Variants in TFEC observed in about 807,000 individuals in gnomAD.
TFEC encodes transcription factor EC.
TFEC carries 31 observed loss-of-function variants against 41.6 expected under a neutral mutation model. That is an observed-to-expected ratio of 0.74 (90% CI 0.56 to 1.01). TFEC has a LOEUF of 1.01. Among genes scored for constraint, TFEC ranks in the 50% least tolerant of loss-of-function variants. The probability of loss-of-function intolerance (pLI) is 0.00; values close to 1 mark genes in which losing one functional copy is unlikely to be tolerated. For synonymous variants in TFEC, 143 were observed against 140.6 expected (o/e 1.02, Z -0.12); for missense variants, 402 against 404.1 (o/e 0.99, Z 0.04).
chr7:116,116,976 A>G (rs1798004468), intron 1 of TFEC, among the ~76,000 whole-genome samples: 1 of 151,914 alleles, frequency 6.6e-6, no homozygotes, highest in Non-Finnish European at 1.5e-5. Flanking sequence ...CTTTCAATCT[A>G]TGCAAACAAA....
At chr7:116,034,131 C>G (rs894650299), upstream of TFEC, among the ~76,000 whole-genome samples, 3 of 152,092 alleles carry the variant, frequency 2.0e-5, no homozygotes, top group Admixed American at 2.0e-4. Context: ...AAATTTTCAC[C>G]TATATCACTG....
At chr7:115,946,963 C>CA (rs1212522245) in intron 6 of TFEC, among the ~76,000 whole-genome samples, 1 of 150,836 alleles carries the variant, frequency 6.6e-6, no homozygotes, top group Non-Finnish European at 1.5e-5. Flanking sequence ...GGTACATGTG[C>CA]CAATGTGCAG....
At chr7:116,117,221 A>C (rs142677628) in intron 1 of TFEC, among the ~76,000 whole-genome samples, 38 of 151,846 alleles carry the variant, frequency 2.5e-4, no homozygotes, top group African/African-American at 8.9e-4. Context: ...TTTGTTGGAG[A>C]ATTACCTGAA....
intron 1 of TFEC, among the ~76,000 whole-genome samples, chr7:116,138,703 C>T (rs1284494911): frequency 3.3e-5 from 5 of 152,068 alleles, no homozygotes; most frequent in Non-Finnish European, 7.4e-5. Context: ...AAGTTCATAG[C>T]CTTGCAAAGG....
intron 3 of TFEC, among the ~76,000 whole-genome samples, chr7:116,096,397 A>C (rs1302379779): frequency 6.6e-6 from 1 of 152,246 alleles, no homozygotes; most frequent in Non-Finnish European, 1.5e-5. Flanking sequence ...TGACGAAATT[A>C]AACTGTATTT....
At chr7:116,124,279 C>CG (rs1451071509) in intron 1 of TFEC, among the ~76,000 whole-genome samples, 1 of 151,814 alleles carries the variant, frequency 6.6e-6, no homozygotes, top group Non-Finnish European at 1.5e-5. Context: ...GAGGGAAAAA[C>CG]GGGGGAAAAA....
intron 2 of TFEC, among the ~76,000 whole-genome samples, chr7:115,983,918 G>A (rs1002224507): frequency 1.3e-5 from 2 of 151,808 alleles, no homozygotes; most frequent in African/African-American, 4.8e-5. Flanking sequence ...TTATGTTAAT[G>A]GATATTTAAG....
chr7:116,076,309 C>G (rs1228795683), intron 3 of TFEC, among the ~76,000 whole-genome samples: 6 of 152,116 alleles, frequency 3.9e-5, no homozygotes, highest in Non-Finnish European at 7.4e-5. Context: ...CTGACATAGT[C>G]TACCCAAATG....
chr7:116,089,320 T>A (rs1797270965), intron 3 of TFEC, among the ~76,000 whole-genome samples: 2 of 152,154 alleles, frequency 1.3e-5, no homozygotes. Flanking sequence ...GTACACTTAA[T>A]TGGAAGAGTA....
chr7:115,956,612 T>C (rs1792246746), intron 4 of TFEC, 67 bp downstream of exon 4: 2 of 1,059,278 alleles, frequency 1.9e-6, no homozygotes, highest in Admixed American at 5.2e-5. Context: ...GTTAGCACAA[T>C]ATATGTCACT....
At chr7:115,993,262 A>C (rs1584657376) in intron 1 of TFEC, among the ~76,000 whole-genome samples, 1 of 152,146 alleles carries the variant, frequency 6.6e-6, no homozygotes, top group African/African-American at 2.4e-5. Context: ...ACTGAATGGG[A>C]AAAAACTAGA....
chr7:116,095,039 G>C (rs1039308636), intron 3 of TFEC, among the ~76,000 whole-genome samples: 1 of 152,104 alleles, frequency 6.6e-6, no homozygotes, highest in African/African-American at 2.4e-5. Flanking sequence ...GATGTTGTTG[G>C]TTATTTTTTC....
At chr7:116,021,850 AG>A (rs1795408412) in intron 1 of TFEC, among the ~76,000 whole-genome samples, 1 of 152,206 alleles carries the variant, frequency 6.6e-6, no homozygotes, top group Non-Finnish European at 1.5e-5. Flanking sequence ...TTCCTGTTTT[AG>A]TAGGTGTGCT....
At chr7:116,029,991 G>A (rs771548053) in intron 1 of TFEC, among the ~76,000 whole-genome samples, 21 of 151,906 alleles carry the variant, frequency 1.4e-4, no homozygotes, top group East Asian at 3.9e-4. Flanking sequence ...ACTTCAACCC[G>A]GGAGGCAGAC....
chr7:116,031,133 T>G (rs898181636), upstream of TFEC, among the ~76,000 whole-genome samples: 7 of 152,176 alleles, frequency 4.6e-5, no homozygotes, highest in African/African-American at 1.7e-4. Context: ...CAAATTGACC[T>G]GCATCATTTT....
chr7:115,969,338 A>T (rs1209706290), intron 3 of TFEC, among the ~76,000 whole-genome samples: 1 of 152,026 alleles, frequency 6.6e-6, no homozygotes, highest in East Asian at 2.0e-4. Context: ...TTTGTGTTAC[A>T]CTACTCATAA....
chr7:116,151,996 A>G (rs1180242414), intron 1 of TFEC, among the ~76,000 whole-genome samples: 18 of 151,824 alleles, frequency 1.2e-4, no homozygotes. Flanking sequence ...CTTTTTCTCA[A>G]AAAAAAAGGT....
intron 1 of TFEC, among the ~76,000 whole-genome samples, chr7:116,012,951 T>A (rs1251652663): frequency 1.3e-5 from 2 of 151,972 alleles, no homozygotes; most frequent in Non-Finnish European, 2.9e-5. Context: ...ATTTTTATCA[T>A]AATAAAATGT....
At chr7:116,082,261 A>G (rs113881481) in intron 3 of TFEC, among the ~76,000 whole-genome samples, 54 of 151,928 alleles carry the variant, frequency 3.6e-4, no homozygotes, top group African/African-American at 1.3e-3. Context: ...CTGAAAAGCA[A>G]ATTCTCCCAG....
Sources: allele counts gnomAD v4.1 joint callset (sites outside exome capture counted in the v4.1 genomes callset), GRCh38; gene constraint gnomAD v4.1.1; transcripts MANE v1.5; gene names NCBI Gene and HGNC (gene_info 2026-07-23, HGNC 2026-07-21).